The following PAPLN variants were observed in gnomAD, a reference collection of about 807,000 sequenced individuals.
The protein encoded by PAPLN is papilin.
Under a neutral mutation model 159.0 loss-of-function variants are expected in PAPLN, and 146 were observed. That is an observed-to-expected ratio of 0.92 (90% CI 0.80 to 1.05). The LOEUF (loss-of-function observed/expected upper bound fraction) is 1.05. Ranked by LOEUF, PAPLN falls within the 50% of genes least tolerant of loss-of-function variation. The probability of loss-of-function intolerance (pLI) is 0.00; values close to 1 mark genes in which losing one functional copy is unlikely to be tolerated. For synonymous variants in PAPLN, 734 were observed against 702.9 expected (o/e 1.04, Z -0.70); for missense variants, 1,720 against 1,743.9 (o/e 0.99, Z 0.24).
chr14:73,262,928 C>T, intron 19 of PAPLN, 101 bp downstream of exon 19: 1 of 1,103,516 alleles, frequency 9.1e-7, no homozygotes, highest in Non-Finnish European at 1.2e-6. Context: ...CCCTCCCCAT[C>T]CCTAACTTCT....
rs563571237 is a variant in PAPLN at position 73,264,282 on chromosome 14, G to A, written c.2933G>A (p.Cys978Tyr). 1.2e-6 allele frequency: 2 copies of A among 1,614,030 alleles called. No homozygotes were observed. The highest frequency in any genetic ancestry group is 1.1e-5 in the South Asian group (1 of 91,088). Reference protein sequence around the residue: ...LQAEDAGTYSCGSTRPGRDSQ... With the variant: ...LQAEDAGTYSYGSTRPGRDSQ... ...GCAGAGGACGCGGGCACCTACAGCTGTGGCAGCACCCGGCCAGGCCGCGAC... is the reference window on the plus strand; with the variant it reads ...GCAGAGGACGCGGGCACCTACAGCTATGGCAGCACCCGGCCAGGCCGCGAC... Residue 978 changes from cysteine to tyrosine, a missense_variant, in exon 21 of 27, where the codon TGT becomes TAT. By Grantham distance (194) the Cys-to-Tyr change is radical (BLOSUM62 -2). Transcript: ENST00000644200.
chr14:73,266,230 C>T (rs540844718), intron 23 of PAPLN, among the ~76,000 whole-genome samples: 3 of 152,254 alleles, frequency 2.0e-5, no homozygotes, highest in Non-Finnish European at 2.9e-5. Context: ...CCCAGCTACT[C>T]GGGAGGCTGA....
chr14:73,262,022 C>G (rs548578205), intron 18 of PAPLN: 14 of 307,502 alleles, frequency 4.6e-5, no homozygotes, highest in African/African-American at 3.0e-4. Flanking sequence ...TCTGGGCTCA[C>G]TTTGCATGTG....
intron 2 of PAPLN, among the ~76,000 whole-genome samples, chr14:73,240,841 G>A (rs2242603): frequency 0.14 from 20,939 of 152,166 alleles, 1,599 homozygotes; most frequent in South Asian, 0.21. Flanking sequence ...TGTTGCCCTG[G>A]CTCAGTGCCT....
At position 73,259,028 on chromosome 14, in the gene PAPLN, G is replaced by A; in HGVS notation, c.1677G>A (p.Met559Ile). Residue 559 changes from methionine (M) to isoleucine (I), a missense_variant, in exon 15 of 27, where the codon ATG becomes ATA. By Grantham distance (10) the Met-to-Ile change is conservative. Transcript: ENST00000644200. ...DVHTPASNPW[M>I]PLGPQESPAS... ...ACACCCCTGCCAGCAACCCCTGGAT[G>A]CCGTTGGGCCCTCAGGAGTCCCCTG... 6.2e-7 allele frequency: 1 copy of A among 1,612,120 alleles called. No individual in the cohort carries two copies.
chr14:73,261,143 GT>G lies in PAPLN; in HGVS notation c.2107-10del. ...TCCACTGCCCACTTCCCAATCATGG[GT>G]TTCCTCCCCAGGTCCACAACACCCA... On this transcript the variant is annotated splice_polypyrimidine_tract_variant and intron_variant, in intron 17 of 26. Coordinates refer to ENST00000644200, the MANE Select transcript of PAPLN (RefSeq NM_001365906.3). 1 of 1,614,018 alleles carries G rather than the reference GT, an allele frequency of 6.2e-7. No individual in the cohort carries two copies. The highest frequency in any genetic ancestry group is 1.6e-4 in the Middle Eastern group (1 of 6,062).
chr14:73,239,995 C>T (rs1594770686), intron 2 of PAPLN, among the ~76,000 whole-genome samples, 163 bp downstream of exon 2: 1 of 151,894 alleles, frequency 6.6e-6, no homozygotes, highest in Non-Finnish European at 1.5e-5. Flanking sequence ...AAGGGCTGGG[C>T]CCTTGAAGCC....
chr14:73,257,750 CTTCTTTTTTTT>C (rs1490508994), intron 14 of PAPLN, among the ~76,000 whole-genome samples: 4 of 104,890 alleles, frequency 3.8e-5, no homozygotes, highest in Non-Finnish European at 5.7e-5. Flanking sequence ...TAGTCTCTTT[CTTCTTTTTTTT>C]TTTTTTTTTT....
At chr14:73,255,943 G>A (rs114327619) in intron 14 of PAPLN, among the ~76,000 whole-genome samples, 271 of 152,328 alleles carry the variant, frequency 1.8e-3, no homozygotes, top group African/African-American at 6.4e-3. Flanking sequence ...GTTAAAAAGA[G>A]CGACTTTCCA....
chr14:73,263,171 C>T (rs1392909425), intron 19 of PAPLN: 2 of 337,856 alleles, frequency 5.9e-6, no homozygotes, highest in Non-Finnish European at 1.1e-5. Flanking sequence ...GCCTCAGTTT[C>T]TTGACCTGTA....
intron 26 of PAPLN, 87 bp from the exon 27 acceptor site, chr14:73,272,408 C>T (rs774573092): frequency 2.8e-4 from 358 of 1,292,122 alleles, no homozygotes; most frequent in Non-Finnish European, 3.6e-4. Flanking sequence ...ATGCTGTGTT[C>T]CTTTGAAGGA....
chr14:73,263,946 G>T lies in PAPLN; in HGVS notation c.2861+164G>T, dbSNP rs780454550. On this transcript the variant is annotated intron_variant, in intron 20 of 26. Transcript: ENST00000644200. ...CCCCCCTACCCCCTCTGACAGGTGT[G>T]TGTGACGGCCCCCCGACCTCCTCTG... 4 of 1,470,398 alleles carry T rather than the reference G, an allele frequency of 2.7e-6. No individual in the cohort carries two copies. In the Admixed American group the frequency reaches 6.4e-5, roughly 24 times the overall value. 91.1% of individuals were successfully genotyped at this position (1,470,398 alleles called of 1,614,324 possible).
At chr14:73,254,380 T>TC in intron 12 of PAPLN, 133 bp from the exon 13 acceptor site, 1 of 1,135,162 alleles carries the variant, frequency 8.8e-7, no homozygotes, top group East Asian at 2.4e-5. Context: ...AGTCAGCCTC[T>TC]CTGGGCCTGG....
At chr14:73,263,084 C>T (rs922486480) in intron 19 of PAPLN, 52 of 409,978 alleles carry the variant, frequency 1.3e-4, no homozygotes, top group Admixed American at 1.6e-4. Flanking sequence ...CAGATCTCGC[C>T]AGTATACCCC....
At chr14:73,253,327 T>C in intron 11 of PAPLN, 1 of 1,100,300 alleles carries the variant, frequency 9.1e-7, no homozygotes, top group Non-Finnish European at 1.2e-6. Flanking sequence ...GACTTGGCTT[T>C]GCATGGGGCC....
chr14:73,253,353 C>G (rs1308983737), intron 11 of PAPLN: 3 of 871,984 alleles, frequency 3.4e-6, no homozygotes, highest in Non-Finnish European at 4.9e-6. Flanking sequence ...GCTGCTCTTT[C>G]CTCTGGGTCC....
At chr14:73,270,630 G>A (rs1263765179) in intron 26 of PAPLN, among the ~76,000 whole-genome samples, 1 of 152,200 alleles carries the variant, frequency 6.6e-6, no homozygotes, top group African/African-American at 2.4e-5. Context: ...AAAGCAAAAT[G>A]CAGATTCACA....
intron 17 of PAPLN, 100 bp from the exon 18 acceptor site, chr14:73,261,033 CTCTGGTCTCCCCTGGGCTGGGGT>C: frequency 6.6e-7 from 1 of 1,524,366 alleles, no homozygotes; most frequent in Non-Finnish European, 8.9e-7. Flanking sequence ...TTCTCCTGGC[CTCTGGTCTCCCCTGGGCTGGGGT>C]TCTGGCCCCT....
At position 73,262,607 on chromosome 14, in the gene PAPLN, G is replaced by T. The variant is rs553629942; in HGVS notation, c.2503G>T (p.Glu835Ter). The T allele has an allele frequency of 1.9e-6, 3 of 1,552,990 alleles. No individual in the cohort carries two copies. Among genetic ancestry groups the T allele is most frequent in the East Asian group, 2.4e-5 (1 of 42,130 alleles). ...TGGTGGCGGCAGCAGTCCTGCAGGC[G>T]AGCAGGAACCCAGCCAGCACAGGAC... ...TDGGGSSPAG[E>*]QEPSQHRTGA... The change falls in exon 19 of 27, where the codon GAG (glutamate) becomes TAG (stop). Residue 835 changes from glutamate (E) to a stop codon, truncating the protein, a stop_gained. Coordinates refer to ENST00000644200, the MANE Select transcript of PAPLN (RefSeq NM_001365906.3). LOFTEE classifies it high-confidence loss of function.
Sources: gnomAD v4.1 joint callset for allele counts (sites outside exome capture counted in the v4.1 genomes callset) on GRCh38, gnomAD v4.1.1 for gene constraint, MANE v1.5 for transcripts, NCBI Gene and HGNC (gene_info 2026-07-23, HGNC 2026-07-21) for gene names.